CSMD1: variants seen among roughly 807,000 people sequenced by gnomAD.
CSMD1 encodes the protein CUB and sushi domain-containing protein 1.
Under a neutral mutation model 417.5 loss-of-function variants are expected in CSMD1, and 213 were observed. The ratio of observed to expected loss-of-function variants is 0.51; its 90% CI spans 0.46 to 0.57. The LOEUF (loss-of-function observed/expected upper bound fraction) is 0.57, where lower values mean the gene tolerates loss of function less well. Among genes scored for constraint, CSMD1 ranks in the 20% least tolerant of loss-of-function variants. The pLI is 0.00. For synonymous variants in CSMD1, 2,862 were observed against 1,736.8 expected, an observed-to-expected ratio of 1.65 and a Z score of -16.11; for missense variants, 6,923 against 4,529.7, an observed-to-expected ratio of 1.53 and a Z score of -15.17.
intron 3 of CSMD1, among the ~76,000 whole-genome samples, chr8:4,110,728 G>A (rs893947844): frequency 1.3e-5 from 2 of 151,788 alleles, no homozygotes; most frequent in Non-Finnish European, 2.9e-5. Context: ...CCTTTCTCAT[G>A]CTCTCAACCA....
intron 1 of CSMD1, among the ~76,000 whole-genome samples, chr8:4,959,210 C>A (rs1042403137): frequency 2.0e-5 from 3 of 152,282 alleles, no homozygotes; most frequent in African/African-American, 7.2e-5. Flanking sequence ...AACGTTACTG[C>A]CATGAAGCGG....
At chr8:3,975,529 G>A (rs536100850) in intron 5 of CSMD1, among the ~76,000 whole-genome samples, 1 of 152,294 alleles carries the variant, frequency 6.6e-6, no homozygotes, top group South Asian at 2.1e-4. Context: ...GGTTGCTGCT[G>A]CCATGGCTTC....
intron 2 of CSMD1, among the ~76,000 whole-genome samples, chr8:4,630,589 A>G (rs1213377572): frequency 6.6e-6 from 1 of 152,242 alleles, no homozygotes; most frequent in Non-Finnish European, 1.5e-5. Context: ...TGAAAGATAC[A>G]TTGAGGAAAA....
intron 10 of CSMD1, among the ~76,000 whole-genome samples, chr8:3,564,457 C>G (rs993488814): frequency 1.3e-5 from 2 of 151,858 alleles, no homozygotes; most frequent in Admixed American, 1.3e-4. Context: ...CTCTGTAACA[C>G]TTTACGTTGT....
At chr8:4,781,328 G>T (rs984554370) in intron 1 of CSMD1, among the ~76,000 whole-genome samples, 1 of 152,134 alleles carries the variant, frequency 6.6e-6, no homozygotes, top group African/African-American at 2.4e-5. Flanking sequence ...GTCACACTTG[G>T]TTTACAACCA....
chr8:4,244,449 T>G (rs564872504), intron 3 of CSMD1, among the ~76,000 whole-genome samples: 99 of 152,290 alleles, frequency 6.5e-4, no homozygotes, highest in Admixed American at 1.6e-3. Flanking sequence ...TCAAATAATT[T>G]TTTAAAAAGC....
chr8:4,560,848 G>A (rs1418172426), intron 2 of CSMD1, among the ~76,000 whole-genome samples: 1 of 152,154 alleles, frequency 6.6e-6, no homozygotes, highest in Non-Finnish European at 1.5e-5. Flanking sequence ...ATGTTCACCA[G>A]CAAATCTCTT....
intron 5 of CSMD1, among the ~76,000 whole-genome samples, chr8:3,869,009 C>T (rs559480751): frequency 7.9e-5 from 12 of 152,326 alleles, no homozygotes; most frequent in African/African-American, 1.9e-4. Context: ...CCAGCTCTCT[C>T]GAAGTAACAG....
intron 1 of CSMD1, among the ~76,000 whole-genome samples, chr8:4,839,822 A>ATC (rs1458859937): frequency 6.6e-6 from 1 of 152,238 alleles, no homozygotes; most frequent in Non-Finnish European, 1.5e-5. Flanking sequence ...GTTAAAAATC[A>ATC]TCTTAGTAAA....
At chr8:4,213,410 C>T (rs1306383562) in intron 3 of CSMD1, among the ~76,000 whole-genome samples, 2 of 152,268 alleles carry the variant, frequency 1.3e-5, no homozygotes, top group East Asian at 3.9e-4. Flanking sequence ...CTAATCACTG[C>T]TGGTAGTGCT....
chr8:2,942,172 TG>T (rs1801918193), intron 69 of CSMD1, among the ~76,000 whole-genome samples: 1 of 151,510 alleles, frequency 6.6e-6, no homozygotes, highest in Admixed American at 6.6e-5. Flanking sequence ...CTGGGGCCTG[TG>T]GGGGGCTGGA....
At chr8:3,409,373 C>A (rs1812538537) in intron 13 of CSMD1, 50 bp downstream of exon 13, 4 of 1,464,258 alleles carry the variant, frequency 2.7e-6, no homozygotes, top group Non-Finnish European at 2.7e-6. Context: ...TCTCCCCTTG[C>A]AAGATCCTTG....
intron 50 of CSMD1, among the ~76,000 whole-genome samples, chr8:3,040,002 A>G (rs964005045): frequency 6.6e-6 from 1 of 152,218 alleles, no homozygotes; most frequent in Non-Finnish European, 1.5e-5. Flanking sequence ...GAGAATCCAG[A>G]AAGTGACTCC....
chr8:4,565,571 C>T (rs143999643), intron 2 of CSMD1, among the ~76,000 whole-genome samples: 16,551 of 151,474 alleles, frequency 0.11, 1,064 homozygotes, highest in Non-Finnish European at 0.14. Flanking sequence ...CCTGTCTCTA[C>T]AAAAAATACA....
At chr8:4,814,930 T>G (rs374247275) in intron 1 of CSMD1, among the ~76,000 whole-genome samples, 33 of 152,312 alleles carry the variant, frequency 2.2e-4, no homozygotes, top group African/African-American at 7.9e-4. Flanking sequence ...TGAATAAACA[T>G]TTTGCATTAT....
chr8:4,092,991 G>C lies in CSMD1; in HGVS notation c.416-60892C>G, dbSNP rs148039520. Among the ~76,000 whole-genome samples, 182 of 152,104 alleles carry C rather than the reference G, an allele frequency of 1.2e-3. 1 individual carries two copies. Among genetic ancestry groups the C allele is most frequent in the Middle Eastern group, 6.8e-3 (2 of 294 alleles). On this transcript the variant is annotated intron_variant, in intron 3 of 69. Coordinates refer to ENST00000635120, the MANE Select transcript of CSMD1 (RefSeq NM_033225.6). ...GGGGAGTATCTTATACATAGTGGGG[G>C]TCAAAGAAAAGACCACTGAGGAATG...
chr8:3,396,209 G>C lies in CSMD1; in HGVS notation c.2578C>G (p.Leu860Val), dbSNP rs369497428. ...TDNSRSSIGFLIHYESVTLES... is the reference protein window; with the variant it reads ...TDNSRSSIGFVIHYESVTLES... ...TGCAACTCACTCTCATAGTGGATGA[G>C]GAAGCCGATGCTGGAGCGGCTGTTG... Residue 860 changes from leucine to valine, a missense_variant, in exon 17 of 70, where the codon CTC (leucine) becomes GTC (valine). Coordinates refer to ENST00000635120, the MANE Select transcript of CSMD1 (RefSeq NM_033225.6). The C allele has an allele frequency of 2.4e-5, 37 of 1,562,452 alleles. 1 individual carries two copies. The South Asian group carries it at 3.3e-4, about 14-fold the overall frequency.
intron 26 of CSMD1, among the ~76,000 whole-genome samples, chr8:3,261,235 A>G (rs1801038188): frequency 6.6e-6 from 1 of 152,248 alleles, no homozygotes; most frequent in African/African-American, 2.4e-5. Context: ...CATAGGAGGC[A>G]GAAAAACAGA....
chr8:3,400,250 T>C (rs1811957420), intron 15 of CSMD1, among the ~76,000 whole-genome samples: 1 of 152,204 alleles, frequency 6.6e-6, no homozygotes, highest in Non-Finnish European at 1.5e-5. Context: ...AATATGTCCC[T>C]GGCCACATGT....
Sources: gnomAD v4.1 joint callset for allele counts (sites outside exome capture counted in the v4.1 genomes callset) on GRCh38, gnomAD v4.1.1 for gene constraint, MANE v1.5 for transcripts, NCBI Gene and HGNC (gene_info 2026-07-23, HGNC 2026-07-21) for gene names.